The following SUGCT variants were observed in gnomAD, a reference collection of about 807,000 sequenced individuals.
The protein encoded by SUGCT is succinyl-CoA:glutarate CoA-transferase.
A neutral mutation model predicts 55.0 loss-of-function variants in SUGCT; 41 were observed. That is an observed-to-expected ratio of 0.74 (90% CI 0.58 to 0.97). The LOEUF (loss-of-function observed/expected upper bound fraction) is 0.97, where lower values mean the gene tolerates loss of function less well. Ranked by LOEUF, SUGCT falls within the 50% of genes least tolerant of loss-of-function variation. SUGCT has a pLI of 0.00. For synonymous variants in SUGCT, 187 were observed against 200.4 expected (o/e 0.93, Z 0.56); for missense variants, 568 against 547.8 (o/e 1.04, Z -0.37).
At chr7:40,146,193 C>T (rs957639128) in intron 1 of SUGCT, among the ~76,000 whole-genome samples, 11 of 151,916 alleles carry the variant, frequency 7.2e-5, no homozygotes, top group Non-Finnish European at 1.5e-4. Flanking sequence ...CTTCTGCTAG[C>T]AAAGCAGTTG....
intron 12 of SUGCT, among the ~76,000 whole-genome samples, chr7:40,525,336 C>T (rs556794422): frequency 3.3e-5 from 5 of 151,926 alleles, no homozygotes; most frequent in South Asian, 4.2e-4. Context: ...AGGAAAGAGC[C>T]GGAGATAAAG....
At chr7:40,998,502 A>C in the SUGCT span, among the ~76,000 whole-genome samples, 8 of 152,186 alleles carry the variant, frequency 5.3e-5, no homozygotes, top group Non-Finnish European at 8.8e-5. Context: ...TGTAGCTACA[A>C]AGGTTTGTCT....
At chr7:40,378,354 A>G (rs548298510) in intron 9 of SUGCT, among the ~76,000 whole-genome samples, 4 of 152,112 alleles carry the variant, frequency 2.6e-5, no homozygotes, top group African/African-American at 9.6e-5. Flanking sequence ...CAGTTGACCT[A>G]CCTTCAAAGT....
chr7:40,836,575 C>T (rs556351538), intron 13 of SUGCT, among the ~76,000 whole-genome samples: 11 of 152,318 alleles, frequency 7.2e-5, no homozygotes, highest in African/African-American at 2.4e-4. Flanking sequence ...ACAAGGATCC[C>T]TCATTCTGCC....
intron 9 of SUGCT, among the ~76,000 whole-genome samples, chr7:40,399,180 T>G (rs1785925371): frequency 2.0e-5 from 3 of 152,138 alleles, no homozygotes; most frequent in Admixed American, 1.3e-4. Flanking sequence ...CAGGATGGTA[T>G]TTATACTAAT....
chr7:40,935,065 A>G, the SUGCT span, among the ~76,000 whole-genome samples: 9 of 152,196 alleles, frequency 5.9e-5, no homozygotes, highest in African/African-American at 2.2e-4. Context: ...ATGGACCCAA[A>G]ACTCTAATTT....
chr7:40,823,632 T>C (rs1382306892), intron 13 of SUGCT, among the ~76,000 whole-genome samples: 1 of 152,150 alleles, frequency 6.6e-6, no homozygotes, highest in Non-Finnish European at 1.5e-5. Flanking sequence ...TGCATTTTCA[T>C]CCTTGAGTAG....
Position 40,182,037 on chromosome 7 carries a change from A to G in SUGCT, c.226+9A>G. 2 of 1,502,350 alleles carry G rather than the reference A, an allele frequency of 1.3e-6. No individual in the cohort carries two copies. The highest frequency in any genetic ancestry group is 1.8e-6 in the Non-Finnish European group (2 of 1,099,656). 93.1% of individuals were successfully genotyped at this position (1,502,350 alleles called of 1,614,324 possible). A position where few individuals can be genotyped will look rare whatever the true frequency, so the allele number is the denominator to read the frequency against. ...AAAAGTGGAGAGACCAGGTAAAGCT[A>G]TTACTCCCTTTAAAAAATAGAAACA... On this transcript the variant is annotated intron_variant, in intron 3 of 13. Coordinates refer to ENST00000335693, the MANE Select transcript of SUGCT (RefSeq NM_001193313.2).
At chr7:40,297,441 T>C (rs905348955) in intron 8 of SUGCT, among the ~76,000 whole-genome samples, 1 of 152,172 alleles carries the variant, frequency 6.6e-6, no homozygotes, top group Admixed American at 6.5e-5. Flanking sequence ...GTGAAGCTTA[T>C]GGATTCTGGC....
chr7:40,936,863 T>G, the SUGCT span, among the ~76,000 whole-genome samples: 1 of 152,166 alleles, frequency 6.6e-6, no homozygotes, highest in Non-Finnish European at 1.5e-5. Context: ...ATCCATTGGT[T>G]GGTTAAGGAT....
At chr7:40,309,310 T>G (rs1795015158) in intron 8 of SUGCT, among the ~76,000 whole-genome samples, 2 of 151,390 alleles carry the variant, frequency 1.3e-5, no homozygotes, top group African/African-American at 4.8e-5. Flanking sequence ...GTTTTTTTTT[T>G]GTTTGTTTTT....
the SUGCT span, among the ~76,000 whole-genome samples, chr7:40,910,832 A>T: frequency 3.2e-4 from 49 of 152,314 alleles, no homozygotes; most frequent in African/African-American, 1.1e-3. Context: ...CTAATTTGGC[A>T]TGTATTTAAT....
chr7:40,247,318 T>C (rs1789953756), intron 7 of SUGCT, among the ~76,000 whole-genome samples: 1 of 152,114 alleles, frequency 6.6e-6, no homozygotes, highest in African/African-American at 2.4e-5. Context: ...TGCAGTGGCA[T>C]GATCTGAGCT....
chr7:40,349,818 A>G (rs561161715), intron 9 of SUGCT, among the ~76,000 whole-genome samples: 2 of 152,308 alleles, frequency 1.3e-5, no homozygotes, highest in South Asian at 2.1e-4. Context: ...GACTAAAGGC[A>G]TACCACCACA....
intron 12 of SUGCT, among the ~76,000 whole-genome samples, chr7:40,616,811 G>A (rs951720669): frequency 6.6e-6 from 1 of 152,202 alleles, no homozygotes; most frequent in Non-Finnish European, 1.5e-5. Context: ...GAGGCCTCAA[G>A]TAGCATTTTG....
Position 40,580,965 on chromosome 7 carries a change from C to T in SUGCT, c.1089+84579C>T, listed in dbSNP as rs148325508. On this transcript the variant is annotated intron_variant, in intron 12 of 13. Coordinates refer to ENST00000335693, the MANE Select transcript of SUGCT (RefSeq NM_001193313.2). ...TGCAAAATGATGAAATGCCTAACAA[C>T]GCATTTTTCAGAAAGAATTCCTGTT... Among the ~76,000 whole-genome samples, 94 of 152,230 alleles carry T rather than the reference C, an allele frequency of 6.2e-4. 1 individual carries two copies. The highest frequency in any genetic ancestry group is 2.0e-3 in the African/African-American group (85 of 41,546).
In SUGCT at chr7:40,822,127, G is replaced by C. The variant is rs188048600; in HGVS notation, c.1154-38189G>C. On this transcript the variant is annotated intron_variant, in intron 13 of 13. Coordinates refer to ENST00000335693, the MANE Select transcript of SUGCT (RefSeq NM_001193313.2). Reference sequence around the variant, plus strand: ...AGTTTGATTGCACTGTGGTCTGAGAGACAGTTTGTTATAATTTCTGTTCTT... The same window carrying C: ...AGTTTGATTGCACTGTGGTCTGAGACACAGTTTGTTATAATTTCTGTTCTT... Among the ~76,000 whole-genome samples the C allele has an allele frequency of 2.0e-5, 3 of 152,284 alleles. No individual in the cohort carries two copies. In the East Asian group the frequency reaches 5.8e-4, roughly 29 times the overall value.
At chr7:40,516,110 C>A (rs904080348) in intron 12 of SUGCT, among the ~76,000 whole-genome samples, 17 of 152,056 alleles carry the variant, frequency 1.1e-4, no homozygotes, top group African/African-American at 3.9e-4. Context: ...ACACTAATGA[C>A]AATGATGTTG....
chr7:40,202,266 C>A (rs1339997152), intron 6 of SUGCT, among the ~76,000 whole-genome samples: 1 of 152,178 alleles, frequency 6.6e-6, no homozygotes, highest in Non-Finnish European at 1.5e-5. Flanking sequence ...AGCCACCATG[C>A]CTGGCAGTTA....
Sources: gnomAD v4.1 joint callset for allele counts (sites outside exome capture counted in the v4.1 genomes callset) on GRCh38, gnomAD v4.1.1 for gene constraint, MANE v1.5 for transcripts, NCBI Gene and HGNC (gene_info 2026-07-23, HGNC 2026-07-21) for gene names.